CD244: variants seen among roughly 807,000 people sequenced by gnomAD.
The protein encoded by CD244 is CD244 molecule.
Under a neutral mutation model 45.5 loss-of-function variants are expected in CD244, and 20 were observed. The observed-to-expected ratio is 0.44, with a 90% CI of 0.31 to 0.64. The LOEUF (loss-of-function observed/expected upper bound fraction) is 0.64. Ranked by LOEUF, CD244 falls within the 30% of genes least tolerant of loss-of-function variation. The probability of loss-of-function intolerance (pLI) is 0.08; values close to 1 mark genes in which losing one functional copy is unlikely to be tolerated. For synonymous variants in CD244, 185 were observed against 160.5 expected, an observed-to-expected ratio of 1.15 and a Z score of -1.15; for missense variants, 407 against 426.9, an observed-to-expected ratio of 0.95 and a Z score of 0.41.
intron 1 of CD244, chr1:160,848,463 C>G: frequency 3.7e-6 from 2 of 546,540 alleles, no homozygotes; most frequent in South Asian, 2.8e-5. Flanking sequence ...AATGGCAAGA[C>G]CAGCAAGAAG....
chr1:160,859,745 A>T (rs919110761), intron 1 of CD244, among the ~76,000 whole-genome samples: 72 of 123,380 alleles, frequency 5.8e-4, no homozygotes, highest in African/African-American at 3.7e-3. Context: ...TGTATCTACA[A>T]AAAAAAAAAA....
chr1:160,843,162 G>T (rs753477569), intron 1 of CD244, among the ~76,000 whole-genome samples: 31 of 152,180 alleles, frequency 2.0e-4, no homozygotes, highest in Non-Finnish European at 3.8e-4. Flanking sequence ...TAAAGGACTT[G>T]TAATACTATT....
intron 7 of CD244, 28 bp downstream of exon 7, chr1:160,834,023 C>T (rs375576327): frequency 8.2e-5 from 126 of 1,536,226 alleles, no homozygotes; most frequent in Middle Eastern, 5.1e-4. Context: ...TCAACAACAC[C>T]CCACCACCAC....
chr1:160,841,897 G>A lies in CD244; in HGVS notation c.66C>T (p.Cys22=). ...LLLKVYQGKG[C]QGSADHVVSI... ...TAACCACATGGTCAGCTGATCCCTG[G>A]CATCCTAGGAAAGAGAACCCAAGCT... is the stretch of plus-strand genomic sequence containing the variant. The change falls in exon 2 of 9, where the codon TGC becomes TGT. Residue 22 remains cysteine (C), a synonymous_variant. Transcript: ENST00000368034. 2 of 1,613,264 alleles carry A rather than the reference G, an allele frequency of 1.2e-6. No individual in the cohort carries two copies. The highest frequency in any genetic ancestry group is 1.1e-5 in the South Asian group (1 of 91,052).
chr1:160,857,549 C>T (rs558473042), intron 1 of CD244, among the ~76,000 whole-genome samples: 56 of 152,222 alleles, frequency 3.7e-4, no homozygotes, highest in African/African-American at 1.3e-3. Context: ...CGTTTGATTC[C>T]ATATATACGG....
At position 160,860,562 on chromosome 1, in the gene CD244, G is replaced by A. The variant is rs1205950296; in HGVS notation, c.61+2055C>T. Among the ~76,000 whole-genome samples the A allele has an allele frequency of 1.3e-5, 2 of 152,204 alleles. 1 individual carries two copies. Among genetic ancestry groups the A allele is most frequent in the South Asian group, 4.1e-4 (2 of 4,832 alleles). On this transcript the variant is annotated intron_variant, in intron 1 of 8. Coordinates refer to ENST00000368034, the MANE Select transcript of CD244 (RefSeq NM_016382.4). ...TTTGACAATTGTGCTGTAGTAACAT[G>A]AGAATGTCTTTGTTCATAGGATATA...
chr1:160,846,299 C>T lies in CD244; in HGVS notation c.62-4398G>A, dbSNP rs973223160. On this transcript the variant is annotated intron_variant, in intron 1 of 8. Transcript: ENST00000368034. Reference sequence around the variant, plus strand: ...ACTCCCACGTATCAGTGAGAACATACGTTGTTTGGTTTTCCAAGGAATGAT... The same window carrying T: ...ACTCCCACGTATCAGTGAGAACATATGTTGTTTGGTTTTCCAAGGAATGAT... 4.2e-4 allele frequency among the ~76,000 whole-genome samples: 64 copies of T among 152,238 alleles called. 1 individual carries two copies. The highest frequency in any genetic ancestry group is 4.1e-3 in the Admixed American group (63 of 15,298).
intron 5 of CD244, among the ~76,000 whole-genome samples, chr1:160,838,141 A>G (rs548011053): frequency 6.6e-6 from 1 of 152,348 alleles, no homozygotes. Context: ...TGGTCAGACA[A>G]CAAATACCAC....
At chr1:160,839,141 CT>C (rs1669445906) in intron 3 of CD244, 92 bp from the exon 4 acceptor site, 1 of 841,710 alleles carries the variant, frequency 1.2e-6, no homozygotes, top group African/African-American at 1.7e-5. Flanking sequence ...TCAAAACCCA[CT>C]TTTCTCTGTG....
At chr1:160,859,051 A>G (rs778520442) in intron 1 of CD244, among the ~76,000 whole-genome samples, 12 of 152,154 alleles carry the variant, frequency 7.9e-5, no homozygotes, top group Non-Finnish European at 1.6e-4. Flanking sequence ...GGAGATGAGG[A>G]CTATGGAGAA....
chr1:160,838,388 CCAT>C, intron 5 of CD244, 60 bp downstream of exon 5: 1 of 1,162,730 alleles, frequency 8.6e-7, no homozygotes, highest in South Asian at 1.2e-5. Flanking sequence ...CTCTGAATAA[CCAT>C]CATTGAAAGA....
chr1:160,840,401 A>G (rs1669495165), intron 3 of CD244, among the ~76,000 whole-genome samples: 1 of 152,080 alleles, frequency 6.6e-6, no homozygotes, highest in Non-Finnish European at 1.5e-5. Flanking sequence ...AGCTGAGATT[A>G]CAGGTGCCCG....
In CD244 at chr1:160,841,957, G is replaced by A. The variant is rs1260076681; in HGVS notation, c.62-56C>T. The A allele has an allele frequency of 2.0e-6, 3 of 1,495,696 alleles. No individual in the cohort carries two copies. The Admixed American group carries it at 5.1e-5, about 26-fold the overall frequency. 92.7% of individuals were successfully genotyped at this position (1,495,696 alleles called of 1,614,324 possible). A position where few individuals can be genotyped will look rare whatever the true frequency, so the allele number is the denominator to read the frequency against. ...GGGAAGAGTGTCAGGCCTGAGCAAT[G>A]TGGGCAGCTGGATGTGACTTCCCTT... is the stretch of plus-strand genomic sequence containing the variant. On this transcript the variant is annotated intron_variant, in intron 1 of 8. Coordinates refer to ENST00000368034, the MANE Select transcript of CD244 (RefSeq NM_016382.4).
At chr1:160,853,406 G>T (rs1039840398) in intron 1 of CD244, among the ~76,000 whole-genome samples, 1 of 152,078 alleles carries the variant, frequency 6.6e-6, no homozygotes, top group Non-Finnish European at 1.5e-5. Context: ...GGAATGACTG[G>T]GTGCTAGAAA....
chr1:160,836,833 G>T (rs749576628), intron 5 of CD244, among the ~76,000 whole-genome samples: 9 of 152,128 alleles, frequency 5.9e-5, no homozygotes, highest in Non-Finnish European at 1.2e-4. Flanking sequence ...GCCACTGAAA[G>T]CATATTGCCA....
intron 6 of CD244, among the ~76,000 whole-genome samples, chr1:160,834,512 T>A (rs1478155697): frequency 1.3e-5 from 2 of 152,164 alleles, no homozygotes. Flanking sequence ...CCTGCCATCA[T>A]GCCCAGCTAA....
intron 7 of CD244, among the ~76,000 whole-genome samples, chr1:160,832,887 T>TATATATATATATATATATAC (rs1157419927): frequency 7.0e-6 from 1 of 143,110 alleles, no homozygotes; most frequent in South Asian, 2.3e-4. Context: ...TATATATATA[T>TATATATATATATATATATAC]ACACACACAC....
chr1:160,856,162 T>C (rs531980305), intron 1 of CD244, among the ~76,000 whole-genome samples: 149 of 152,292 alleles, frequency 9.8e-4, no homozygotes, highest in African/African-American at 3.4e-3. Context: ...ATTCCAAAAG[T>C]ACTGGGGCAA....
At chr1:160,854,414 G>T (rs538781386) in intron 1 of CD244, among the ~76,000 whole-genome samples, 1 of 152,184 alleles carries the variant, frequency 6.6e-6, no homozygotes, top group East Asian at 1.9e-4. Context: ...ACAGAGTCTC[G>T]CTCTGTCACC....
Sources: allele counts gnomAD v4.1 joint callset (sites outside exome capture counted in the v4.1 genomes callset), GRCh38; gene constraint gnomAD v4.1.1; transcripts MANE v1.5; gene names NCBI Gene and HGNC (gene_info 2026-07-23, HGNC 2026-07-21).